The following ATRNL1 variants were observed in gnomAD, a reference collection of about 807,000 sequenced individuals.
The protein encoded by ATRNL1 is attractin like 1, also known as attractin-like protein 1.
A neutral mutation model predicts 182.7 loss-of-function variants in ATRNL1; 95 were observed. That is an observed-to-expected ratio of 0.52 (90% CI 0.44 to 0.62). The LOEUF is 0.62. ATRNL1 is among the 20% of genes least tolerant of loss of function. The pLI, the probability that ATRNL1 is intolerant of heterozygous loss-of-function variation, is 0.00. For missense variants in ATRNL1, 1,471 were observed against 1,679.5 expected, an observed-to-expected ratio of 0.88 and a Z score of 2.17; for synonymous variants, 576 against 568.3, an observed-to-expected ratio of 1.01 and a Z score of -0.19.
At chr10:115,191,624 C>A (rs906085509) in intron 8 of ATRNL1, among the ~76,000 whole-genome samples, 1 of 152,016 alleles carries the variant, frequency 6.6e-6, no homozygotes, top group Non-Finnish European at 1.5e-5. Flanking sequence ...GGAGCAGCTT[C>A]CCCCATGCTG....
intron 19 of ATRNL1, among the ~76,000 whole-genome samples, chr10:115,346,585 C>A (rs1042455833): frequency 2.6e-5 from 4 of 152,076 alleles, no homozygotes; most frequent in Admixed American, 2.6e-4. Flanking sequence ...TTGCTTCCAC[C>A]TTTTGGCTGT....
chr10:115,867,364 T>G (rs1951462858), intron 28 of ATRNL1, among the ~76,000 whole-genome samples: 3 of 152,174 alleles, frequency 2.0e-5, no homozygotes, highest in Non-Finnish European at 4.4e-5. Flanking sequence ...TGCTTAAGCA[T>G]TAACGTTTTT....
chr10:115,202,005 A>C (rs1848601361), intron 8 of ATRNL1, among the ~76,000 whole-genome samples: 1 of 151,836 alleles, frequency 6.6e-6, no homozygotes, highest in African/African-American at 2.4e-5. Context: ...TGTGAATGGG[A>C]GTTCACTCAT....
chr10:115,199,425 G>A (rs1234264962), intron 8 of ATRNL1, among the ~76,000 whole-genome samples: 3 of 151,804 alleles, frequency 2.0e-5, no homozygotes, highest in South Asian at 2.1e-4. Context: ...ATTAGCTGGC[G>A]TAGTGGCACG....
At chr10:115,344,147 G>A (rs1855872825) in intron 19 of ATRNL1, among the ~76,000 whole-genome samples, 1 of 152,046 alleles carries the variant, frequency 6.6e-6, no homozygotes, top group Non-Finnish European at 1.5e-5. Flanking sequence ...GCCTGTGTTC[G>A]CCTAAAGTCC....
At chr10:115,469,540 T>G (rs1314138411) in intron 24 of ATRNL1, among the ~76,000 whole-genome samples, 1 of 150,572 alleles carries the variant, frequency 6.6e-6, no homozygotes, top group Non-Finnish European at 1.5e-5. Flanking sequence ...ATACTTAAAT[T>G]TTTCAGTGAT....
At chr10:115,121,963 G>T (rs530418520) in intron 3 of ATRNL1, 151 bp downstream of exon 3, 1 of 403,368 alleles carries the variant, frequency 2.5e-6, no homozygotes, top group East Asian at 3.8e-5. Flanking sequence ...TGCTGTAACT[G>T]TCAATTTAGG....
intron 5 of ATRNL1, among the ~76,000 whole-genome samples, chr10:115,137,838 C>G (rs868911381): frequency 6.6e-6 from 1 of 152,168 alleles, no homozygotes; most frequent in East Asian, 1.9e-4. Flanking sequence ...CCAACAGTCC[C>G]CCGAAGTCAT....
chr10:115,874,439 C>G (rs1951654576), intron 28 of ATRNL1, among the ~76,000 whole-genome samples: 1 of 152,144 alleles, frequency 6.6e-6, no homozygotes, highest in Non-Finnish European at 1.5e-5. Flanking sequence ...TATTGTTTTT[C>G]TTTACAGGTG....
chr10:115,738,207 C>G (rs1446994426), intron 27 of ATRNL1, among the ~76,000 whole-genome samples: 2 of 129,522 alleles, frequency 1.5e-5, no homozygotes, highest in Non-Finnish European at 3.1e-5. Context: ...GGCACGATCT[C>G]GGCTCACTGC....
chr10:115,914,378 C>T (rs1410314887), intron 28 of ATRNL1, among the ~76,000 whole-genome samples: 2 of 152,166 alleles, frequency 1.3e-5, no homozygotes, highest in Admixed American at 6.5e-5. Flanking sequence ...TTGTCTATTA[C>T]ACCTGTGGAA....
At chr10:115,292,183 T>C (rs1852947758) in intron 15 of ATRNL1, among the ~76,000 whole-genome samples, 1 of 152,034 alleles carries the variant, frequency 6.6e-6, no homozygotes. Context: ...TTTATGTTTC[T>C]GTGTTATTTT....
intron 15 of ATRNL1, among the ~76,000 whole-genome samples, chr10:115,295,943 G>A (rs1304364117): frequency 6.6e-6 from 1 of 152,066 alleles, no homozygotes; most frequent in African/African-American, 2.4e-5. Flanking sequence ...AGGTGGCTCT[G>A]GTCTCAACAT....
rs528674881 is a variant in ATRNL1, at chr10:115,886,313, G to A, written c.4018+38322G>A. Among the ~76,000 whole-genome samples the A allele has an allele frequency of 4.6e-5, 7 of 152,188 alleles. No homozygotes were observed. The South Asian group carries it at 6.2e-4, about 14-fold the overall frequency. ...GGCTCTCATAAAAATCATTAGTTTCGAGACCAGCCTGACTAACATGGAGAA... is the reference window on the plus strand; with the variant it reads ...GGCTCTCATAAAAATCATTAGTTTCAAGACCAGCCTGACTAACATGGAGAA... On this transcript the variant is annotated intron_variant, in intron 28 of 28. Coordinates refer to ENST00000355044, the MANE Select transcript of ATRNL1 (RefSeq NM_207303.4).
chr10:115,098,883 T>C (rs2085088387), intron 1 of ATRNL1, among the ~76,000 whole-genome samples: 3 of 152,214 alleles, frequency 2.0e-5, no homozygotes, highest in Admixed American at 2.0e-4. Flanking sequence ...AATTATAATT[T>C]TGATAGTTAT....
At chr10:115,454,856 A>C (rs1847447691) in intron 21 of ATRNL1, among the ~76,000 whole-genome samples, 1 of 152,006 alleles carries the variant, frequency 6.6e-6, no homozygotes, top group Non-Finnish European at 1.5e-5. Context: ...CAGCAAACAG[A>C]GATTACTTTT....
intron 26 of ATRNL1, among the ~76,000 whole-genome samples, chr10:115,618,378 A>G (rs568252127): frequency 6.6e-6 from 1 of 152,194 alleles, no homozygotes; most frequent in Non-Finnish European, 1.5e-5. Flanking sequence ...CTTGAAAAGT[A>G]TTCTGTTATT....
intron 24 of ATRNL1, among the ~76,000 whole-genome samples, chr10:115,492,851 G>C (rs1416146609): frequency 1.3e-5 from 2 of 151,660 alleles, no homozygotes; most frequent in African/African-American, 4.8e-5. Context: ...CACCATGTTA[G>C]CCAGGATAGT....
chr10:115,911,468 C>A (rs552178316), intron 28 of ATRNL1, among the ~76,000 whole-genome samples: 176 of 152,254 alleles, frequency 1.2e-3, no homozygotes, highest in African/African-American at 3.9e-3. Context: ...CAGGTGCCCA[C>A]CACCATGCCC....
Sources: allele counts gnomAD v4.1 joint callset (sites outside exome capture counted in the v4.1 genomes callset), GRCh38; gene constraint gnomAD v4.1.1; transcripts MANE v1.5; gene names NCBI Gene and HGNC (gene_info 2026-07-23, HGNC 2026-07-21).